Variants in ANTXR1 observed in about 807,000 individuals in gnomAD.
ANTXR1 encodes anthrax toxin receptor 1.
ANTXR1 carries 19 observed loss-of-function variants against 78.1 expected under a neutral mutation model. That is an observed-to-expected ratio of 0.24 (90% CI 0.17 to 0.36). ANTXR1 has a LOEUF of 0.36. ANTXR1 is among the 10% of genes least tolerant of loss of function. ANTXR1 has a pLI of 1.00. For missense variants in ANTXR1, 518 were observed against 718.6 expected, an observed-to-expected ratio of 0.72 and a Z score of 3.19; for synonymous variants, 273 against 260.5, an observed-to-expected ratio of 1.05 and a Z score of -0.46.
chr2:69,160,122 A>G (rs548658988), intron 13 of ANTXR1, among the ~76,000 whole-genome samples: 3 of 152,226 alleles, frequency 2.0e-5, no homozygotes, highest in Admixed American at 1.3e-4. Flanking sequence ...ACCCATTCCC[A>G]TATGGACACG....
chr2:69,085,500 T>C (rs1193745435), intron 8 of ANTXR1, among the ~76,000 whole-genome samples: 1 of 152,146 alleles, frequency 6.6e-6, no homozygotes, highest in Non-Finnish European at 1.5e-5. Context: ...GTTACACTTA[T>C]AGGGGGAAAG....
intron 1 of ANTXR1, among the ~76,000 whole-genome samples, chr2:69,016,200 A>T (rs1671019816): frequency 6.6e-6 from 1 of 152,224 alleles, no homozygotes; most frequent in Non-Finnish European, 1.5e-5. Flanking sequence ...TGACTCGAGC[A>T]CTTGAAATGT....
chr2:69,201,524 C>T (rs369170229), intron 17 of ANTXR1, among the ~76,000 whole-genome samples: 54 of 152,258 alleles, frequency 3.5e-4, no homozygotes, highest in African/African-American at 1.2e-3. Context: ...TAAGCAGAGG[C>T]GCAATCGGAT....
intron 17 of ANTXR1, among the ~76,000 whole-genome samples, chr2:69,231,230 C>T (rs1366179269): frequency 6.6e-6 from 1 of 152,132 alleles, no homozygotes; most frequent in Non-Finnish European, 1.5e-5. Flanking sequence ...ATGAACACTG[C>T]AGGATAATAT....
At chr2:69,101,448 C>T (rs749488429) in intron 9 of ANTXR1, among the ~76,000 whole-genome samples, 6 of 152,180 alleles carry the variant, frequency 3.9e-5, no homozygotes, top group Admixed American at 1.3e-4. Flanking sequence ...CTTAACTTCA[C>T]TAAGATCAGT....
chr2:69,243,013 G>A (rs754647720), intron 17 of ANTXR1, among the ~76,000 whole-genome samples: 1 of 152,240 alleles, frequency 6.6e-6, no homozygotes, highest in Non-Finnish European at 1.5e-5. Context: ...CCCAGTCACA[G>A]CCTCCCCGGC....
At chr2:69,205,385 C>T (rs1294753120) in intron 17 of ANTXR1, among the ~76,000 whole-genome samples, 1 of 152,136 alleles carries the variant, frequency 6.6e-6, no homozygotes, top group Non-Finnish European at 1.5e-5. Flanking sequence ...GCAAGCTCCA[C>T]CTTCTCCAGT....
chr2:69,211,857 T>G (rs1482945936), intron 17 of ANTXR1, among the ~76,000 whole-genome samples: 1 of 152,190 alleles, frequency 6.6e-6, no homozygotes, highest in East Asian at 1.9e-4. Flanking sequence ...CAAGACGCTA[T>G]TTCAGCCTAC....
At position 69,096,398 on chromosome 2, in the gene ANTXR1, A is replaced by G. The variant is rs1386730839; in HGVS notation, c.703+5479A>G. ...GAAGGAGGGAAGGAAGGAAGGAAGG[A>G]AGGAAGGAAATCAAAAAGAATTCCA... On this transcript the variant is annotated intron_variant, in intron 9 of 17. Transcript: ENST00000303714. Among the ~76,000 whole-genome samples, 2 of 142,666 alleles carry G rather than the reference A, an allele frequency of 1.4e-5. 1 individual carries two copies. Among genetic ancestry groups the G allele is most frequent in the African/African-American group, 5.3e-5 (2 of 37,622 alleles). 93.6% of individuals were successfully genotyped at this position (142,666 alleles called of 152,430 possible). A position where few individuals can be genotyped will look rare whatever the true frequency, so the allele number is the denominator to read the frequency against.
At chr2:69,135,618 T>C (rs60462200) in intron 12 of ANTXR1, among the ~76,000 whole-genome samples, 233 of 152,200 alleles carry the variant, frequency 1.5e-3, no homozygotes, top group African/African-American at 5.4e-3. Context: ...ACAAACTTAT[T>C]GGCAAAAAAT....
At chr2:69,052,616 AGTACTTTGT>A (rs1288889239) in intron 3 of ANTXR1, among the ~76,000 whole-genome samples, 1 of 152,044 alleles carries the variant, frequency 6.6e-6, no homozygotes, top group Non-Finnish European at 1.5e-5. Context: ...AATTTTGTAA[AGTACTTTGT>A]GTAGTACTTG....
At chr2:69,029,884 T>C (rs1348791361) in intron 1 of ANTXR1, among the ~76,000 whole-genome samples, 1 of 152,152 alleles carries the variant, frequency 6.6e-6, no homozygotes, top group Non-Finnish European at 1.5e-5. Flanking sequence ...CAGTGAGACT[T>C]TGTAGCAAAA....
rs1274520511 is a variant in ANTXR1 at position 69,045,535 on chromosome 2, CAT to C, written c.296+723_296+724del. On this transcript the variant is annotated intron_variant, in intron 3 of 17. Coordinates refer to ENST00000303714, the MANE Select transcript of ANTXR1 (RefSeq NM_032208.3). ...CATGAGAGAAGCACCATGGGGAACA[CAT>C]GTGGGATTATTGGGAGACTCATATA... Among the ~76,000 whole-genome samples the C allele has an allele frequency of 2.0e-5, 3 of 152,036 alleles. No homozygotes were observed. The East Asian group carries it at 5.8e-4, about 29-fold the overall frequency.
At chr2:69,061,085 C>T (rs1023240755) in intron 3 of ANTXR1, among the ~76,000 whole-genome samples, 1 of 152,114 alleles carries the variant, frequency 6.6e-6, no homozygotes, top group Non-Finnish European at 1.5e-5. Flanking sequence ...AACCATGTAG[C>T]CTTGTAGAAT....
chr2:69,123,882 GA>G (rs1558573742), intron 11 of ANTXR1, among the ~76,000 whole-genome samples: 1 of 152,140 alleles, frequency 6.6e-6, no homozygotes. Flanking sequence ...GGCTTTAAGG[GA>G]AAAAAGTTGA....
chr2:69,053,531 T>C lies in ANTXR1; in HGVS notation c.296+8718T>C, dbSNP rs145820062. ...TCCACATCATGCAGAAATTCAAAGTTTCTGGCATCCTTGCCTATTTTTCAG... is the reference window on the plus strand; with the variant it reads ...TCCACATCATGCAGAAATTCAAAGTCTCTGGCATCCTTGCCTATTTTTCAG... On this transcript the variant is annotated intron_variant, in intron 3 of 17. Transcript: ENST00000303714. 5.6e-3 allele frequency among the ~76,000 whole-genome samples: 847 copies of C among 152,248 alleles called. 3 individuals are homozygous for C. The highest frequency in any genetic ancestry group is 9.1e-3 in the Non-Finnish European group (618 of 68,002).
chr2:69,096,420 T>G (rs1671430460), intron 9 of ANTXR1, among the ~76,000 whole-genome samples: 2 of 126,976 alleles, frequency 1.6e-5, no homozygotes, highest in African/African-American at 6.3e-5. Flanking sequence ...CAAAAAGAAT[T>G]CCAATCACTG....
intron 13 of ANTXR1, among the ~76,000 whole-genome samples, chr2:69,161,746 C>T (rs1399661242): frequency 6.6e-6 from 1 of 152,164 alleles, no homozygotes; most frequent in Admixed American, 6.5e-5. Context: ...TCAGAGCAAG[C>T]ATCTCCTTCT....
chr2:69,020,107 T>C lies in ANTXR1; in HGVS notation c.152+6456T>C, dbSNP rs961461740. ...TTGGGTATATTCTCAGTAAAGTGATTGGTGGGTCGAATGGTATTTCTGTCT... is the reference window on the plus strand; with the variant it reads ...TTGGGTATATTCTCAGTAAAGTGATCGGTGGGTCGAATGGTATTTCTGTCT... On this transcript the variant is annotated intron_variant, in intron 1 of 17. Coordinates refer to ENST00000303714, the MANE Select transcript of ANTXR1 (RefSeq NM_032208.3). Among the ~76,000 whole-genome samples, 3 of 152,196 alleles carry C rather than the reference T, an allele frequency of 2.0e-5. No homozygotes were observed. In the South Asian group the frequency reaches 6.2e-4, roughly 32 times the overall value.
Sources: allele counts gnomAD v4.1 joint callset (sites outside exome capture counted in the v4.1 genomes callset), GRCh38; gene constraint gnomAD v4.1.1; transcripts MANE v1.5; gene names NCBI Gene and HGNC (gene_info 2026-07-23, HGNC 2026-07-21).